NBPF11: variants seen among roughly 807,000 people sequenced by gnomAD.
NBPF11 encodes NBPF family member NBPF11.
In NBPF11, 72 loss-of-function variants were observed where a neutral mutation model predicts 93.9. That is an observed-to-expected ratio of 0.77 (90% CI 0.63 to 0.93). The LOEUF is 0.93. NBPF11 is among the 40% of genes least tolerant of loss of function. The pLI, the probability that NBPF11 is intolerant of heterozygous loss-of-function variation, is 0.00. For missense variants in NBPF11, 705 were observed against 802.2 expected (o/e 0.88, Z 1.46); for synonymous variants, 224 against 304.9 (o/e 0.73, Z 2.76).
chr1:148,119,623 C>T (rs2149224703), intron 10 of NBPF11, among the ~76,000 whole-genome samples: 1 of 151,944 alleles, frequency 6.6e-6, no homozygotes, highest in Non-Finnish European at 1.5e-5. Context: ...TCACTCTCAC[C>T]AAGCTACTCT....
At position 148,112,139 on chromosome 1, in the gene NBPF11, T is replaced by C. The variant is rs1242662070; in HGVS notation, c.1638-1598A>G. On this transcript the variant is annotated intron_variant, in intron 15 of 23. Coordinates refer to ENST00000682118, the MANE Select transcript of NBPF11 (RefSeq NM_001385469.3). ...CATATGTATAGTTTTCCTTTATTAT[T>C]TTTTGTGTGTATGTATATATATATA... is the stretch of plus-strand genomic sequence containing the variant. Among the ~76,000 whole-genome samples, 8 of 142,066 alleles carry C rather than the reference T, an allele frequency of 5.6e-5. 1 individual carries two copies. In the East Asian group the frequency reaches 8.8e-4, roughly 16 times the overall value. The allele number at this position is 142,066 out of a possible 152,430, so 93.2% of individuals were successfully genotyped here.
chr1:148,109,177 T>C lies in NBPF11; in HGVS notation c.1853+107A>G, dbSNP rs1256518146. 4 of 896,242 alleles carry C rather than the reference T, an allele frequency of 4.5e-6. No homozygotes were observed. The African/African-American group carries it at 5.0e-5, about 11-fold the overall frequency. 55.5% of individuals were successfully genotyped at this position (896,242 alleles called of 1,614,324 possible). ...ACAATGCAGTAGGCATAATTCAGAC[T>C]TGTCTGACAAGACAAAATCATGATT... On this transcript the variant is annotated intron_variant, in intron 17 of 23. Coordinates refer to ENST00000682118, the MANE Select transcript of NBPF11 (RefSeq NM_001385469.3).
chr1:148,148,549 C>T (rs1647335199), intron 1 of NBPF11, among the ~76,000 whole-genome samples: 1 of 152,018 alleles, frequency 6.6e-6, no homozygotes, highest in Non-Finnish European at 1.5e-5. Context: ...AGGGAAGGTG[C>T]TGGTGGGAGG....
chr1:148,120,378 T>C, intron 10 of NBPF11, 123 bp downstream of exon 10: 8 of 682,028 alleles, frequency 1.2e-5, no homozygotes, highest in South Asian at 1.1e-4. Context: ...AAAATACCCA[T>C]TTCTGTTTTC....
intron 2 of NBPF11, among the ~76,000 whole-genome samples, chr1:148,139,179 G>T (rs1418037868): frequency 6.6e-6 from 1 of 151,416 alleles, no homozygotes; most frequent in East Asian, 1.9e-4. Context: ...AATTTTAATA[G>T]GAGATTTTAA....
At chr1:148,146,374 C>G in intron 1 of NBPF11, 1 of 1,554,436 alleles carries the variant, frequency 6.4e-7, no homozygotes, top group Non-Finnish European at 8.6e-7. Context: ...CGGTGGAGGC[C>G]CGGCCCGGGC....
intron 1 of NBPF11, among the ~76,000 whole-genome samples, chr1:148,143,953 G>A (rs1358488109): frequency 1.0e-4 from 15 of 148,950 alleles, no homozygotes; most frequent in African/African-American, 3.5e-4. Flanking sequence ...TCAGCTACTC[G>A]GGAGGCTGAG....
chr1:148,106,386 A>G (rs1663621309), intron 20 of NBPF11, among the ~76,000 whole-genome samples, 154 bp from the exon 21 acceptor site: 1 of 149,702 alleles, frequency 6.7e-6, no homozygotes, highest in Admixed American at 6.6e-5. Context: ...AAAGCTGGTC[A>G]TGATATTCTT....
At chr1:148,140,746 C>T (rs1388419170) in intron 2 of NBPF11, among the ~76,000 whole-genome samples, 12 of 151,822 alleles carry the variant, frequency 7.9e-5, no homozygotes, top group Non-Finnish European at 1.6e-4. Context: ...AAACGGTGAA[C>T]ACACCAAATG....
chr1:148,104,262 C>A (rs1662996581), intron 23 of NBPF11, among the ~76,000 whole-genome samples: 1 of 145,092 alleles, frequency 6.9e-6, no homozygotes, highest in Non-Finnish European at 1.5e-5. Flanking sequence ...AAAGAGTGAG[C>A]TCAATAGTTT....
At position 148,122,757 on chromosome 1, in the gene NBPF11, C is replaced by G. The variant is rs1416179545; in HGVS notation, c.538G>C (p.Glu180Gln). ...EDEDVQVEED[E>Q]KVLESSAPRE... Reference sequence around the variant, plus strand: ...GGGGCAGATGATTCCAGTACTTTCTCATCCTCCTCAACTTGAACATCTTCA... The same window carrying G: ...GGGGCAGATGATTCCAGTACTTTCTGATCCTCCTCAACTTGAACATCTTCA... The change falls in exon 8 of 24, where the codon GAG becomes CAG. Residue 180 changes from glutamate to glutamine, a missense_variant. Physicochemically the swap from Glu to Gln is conservative, Grantham distance 29. Coordinates refer to ENST00000682118, the MANE Select transcript of NBPF11 (RefSeq NM_001385469.3). 1 of 1,609,720 alleles carries G rather than the reference C, an allele frequency of 6.2e-7. No homozygotes were observed. The highest frequency in any genetic ancestry group is 8.5e-7 in the Non-Finnish European group (1 of 1,177,342).
rs1667596082 is a variant in NBPF11, at chr1:148,120,599, G to A, written c.890C>T (p.Pro297Leu). Residue 297 changes from proline (P) to leucine (L), a missense_variant, in exon 10 of 24, where the codon CCC becomes CTC. Pro to Leu is a moderately conservative substitution (Grantham distance 98). Coordinates refer to ENST00000682118, the MANE Select transcript of NBPF11 (RefSeq NM_001385469.3). The part of the protein sequence containing the change: ...NILEINEKLC[P>L]QLAEKKQQFR... ...CTGCTGTTTCTTCTCTGCCAGCTGG[G>A]GGCACAATTTCTCATTGATTTCTAG... 3.3e-6 allele frequency: 5 copies of A among 1,498,126 alleles called. No individual in the cohort carries two copies. In the Admixed American group the frequency reaches 6.7e-5, roughly 20 times the overall value. 92.8% of individuals were successfully genotyped at this position (1,498,126 alleles called of 1,614,324 possible). A position where few individuals can be genotyped will look rare whatever the true frequency, so the allele number is the denominator to read the frequency against.
At chr1:148,123,232 C>T (rs1402685937) in intron 7 of NBPF11, among the ~76,000 whole-genome samples, 6 of 152,062 alleles carry the variant, frequency 3.9e-5, no homozygotes, top group Non-Finnish European at 7.3e-5. Flanking sequence ...ACAGGCCCTC[C>T]ATGTGGCTTC....
intron 23 of NBPF11, among the ~76,000 whole-genome samples, chr1:148,104,296 G>A (rs1319476384): frequency 7.6e-5 from 11 of 145,042 alleles, no homozygotes; most frequent in Admixed American, 3.4e-4. Flanking sequence ...CTCAAAATTC[G>A]ATGCAGTGGC....
intron 14 of NBPF11, among the ~76,000 whole-genome samples, chr1:148,115,253 G>C (rs1666227002): frequency 6.8e-6 from 1 of 147,658 alleles, no homozygotes. Flanking sequence ...TTGACAGGGT[G>C]GAGAACCAGG....
At chr1:148,111,153 T>A (rs1665161751) in intron 15 of NBPF11, among the ~76,000 whole-genome samples, 1 of 149,892 alleles carries the variant, frequency 6.7e-6, no homozygotes, top group East Asian at 2.0e-4. Context: ...GACCTGAAGC[T>A]GAGGGACCTG....
At chr1:148,137,296 GT>G (rs1319385043) in intron 3 of NBPF11, among the ~76,000 whole-genome samples, 3 of 151,446 alleles carry the variant, frequency 2.0e-5, no homozygotes, top group African/African-American at 7.3e-5. Context: ...AAACAGACAG[GT>G]AAGGAGGAAA....
intron 1 of NBPF11, among the ~76,000 whole-genome samples, chr1:148,147,961 G>C (rs1399026505): frequency 6.6e-6 from 1 of 152,076 alleles, no homozygotes; most frequent in East Asian, 1.9e-4. Flanking sequence ...AGAGCCATGA[G>C]GGGGAGGCCA....
In NBPF11 at chr1:148,126,925, G is replaced by C; in HGVS notation, c.79C>G (p.Gln27Glu). The change falls in exon 5 of 24, where the codon CAG becomes GAG. Residue 27 changes from glutamine to glutamate, a missense_variant. This residue lies in a region of NBPF11 where 128 missense variants were observed against 112.8 expected (regional missense o/e 1.14). Transcript: ENST00000682118. Reference protein sequence around the residue: ...ILEINEKLRPQLAENKQQFRN... With the variant: ...ILEINEKLRPELAENKQQFRN... ...AACTGCTGTTTGTTCTCTGCCAACTGGGGGCGCAATTTCTCGTTGATTTCT... is the reference window on the plus strand; with the variant it reads ...AACTGCTGTTTGTTCTCTGCCAACTCGGGGCGCAATTTCTCGTTGATTTCT... 8.6e-7 allele frequency: 1 copy of C among 1,164,190 alleles called. No homozygotes were observed. The highest frequency in any genetic ancestry group is 1.3e-6 in the Non-Finnish European group (1 of 795,812). The allele number at this position is 1,164,190 out of a possible 1,614,324, so 72.1% of individuals were successfully genotyped here.
Sources: allele counts gnomAD v4.1 joint callset (sites outside exome capture counted in the v4.1 genomes callset), GRCh38; gene constraint gnomAD v4.1.1; regional missense constraint gnomAD v4.1.1; transcripts MANE v1.5; gene names NCBI Gene and HGNC (gene_info 2026-07-23, HGNC 2026-07-21).